The following SH3TC1 variants were observed in gnomAD, a reference collection of about 807,000 sequenced individuals.
SH3TC1 encodes SH3 domain and tetratricopeptide repeat-containing protein 1.
A neutral mutation model predicts 117.3 loss-of-function variants in SH3TC1; 135 were observed. The ratio of observed to expected loss-of-function variants is 1.15; its 90% CI spans 1.00 to 1.33. SH3TC1 has a LOEUF of 1.33. Ranked by LOEUF, SH3TC1 falls within the 40% of genes most tolerant of loss-of-function variation. The pLI is 0.00. For synonymous variants in SH3TC1, 898 were observed against 816.9 expected (o/e 1.10, Z -1.69); for missense variants, 2,092 against 1,794.3 (o/e 1.17, Z -3.00).
intron 2 of SH3TC1, among the ~76,000 whole-genome samples, chr4:8,207,497 G>A (rs1273056952): frequency 6.6e-6 from 1 of 152,174 alleles, no homozygotes; most frequent in Non-Finnish European, 1.5e-5. Flanking sequence ...GGCTGGCCTG[G>A]CTGAAATAAT....
chr4:8,214,551 T>A lies in SH3TC1; in HGVS notation c.452T>A (p.Ile151Asn), dbSNP rs764286313. 6.2e-7 allele frequency: 1 copy of A among 1,613,910 alleles called. No homozygotes were observed. Among genetic ancestry groups the A allele is most frequent in the South Asian group, 1.1e-5 (1 of 91,076 alleles). Residue 151 changes from isoleucine to asparagine, a missense_variant, in exon 5 of 18, where the codon ATC (isoleucine) becomes AAC (asparagine). By Grantham distance (149) the Ile-to-Asn change is moderately radical. Transcript: ENST00000245105. ...IVVTFKTFEE[I>N]WKFSTYHALG... is the part of the protein sequence containing the mutation. ...GTGACGTTTAAGACTTTTGAAGAAATCTGGAAGTTTTCCACCTACCATGCT... is the reference window on the plus strand; with the variant it reads ...GTGACGTTTAAGACTTTTGAAGAAAACTGGAAGTTTTCCACCTACCATGCT...
In SH3TC1 at chr4:8,233,403, G is replaced by A; in HGVS notation, c.3172G>A (p.Gly1058Arg). 1 of 1,613,788 alleles carries A rather than the reference G, an allele frequency of 6.2e-7. No homozygotes were observed. Among genetic ancestry groups the A allele is most frequent in the Non-Finnish European group, 8.5e-7 (1 of 1,179,848 alleles). The part of the protein sequence containing the change: ...SALDYTKRSL[G>R]IFIDLQKKEK... ...ACTGGACTACACCAAACGAAGTCTG[G>A]GGATTTTCATTGACCTCCAGAAGAA... Residue 1058 changes from glycine (G) to arginine (R), a missense_variant, in exon 14 of 18, where the codon GGG (glycine) becomes AGG (arginine). Coordinates refer to ENST00000245105, the MANE Select transcript of SH3TC1 (RefSeq NM_018986.5).
chr4:8,222,217 G>C (rs1330485584), intron 9 of SH3TC1, among the ~76,000 whole-genome samples: 1 of 152,072 alleles, frequency 6.6e-6, no homozygotes, highest in Non-Finnish European at 1.5e-5. Context: ...TCATAAGGGA[G>C]GGGACATTTG....
At chr4:8,222,395 A>G (rs1720018856) in intron 9 of SH3TC1, among the ~76,000 whole-genome samples, 1 of 127,814 alleles carries the variant, frequency 7.8e-6, no homozygotes, top group East Asian at 2.2e-4. Context: ...TTTTTTTCAG[A>G]CAAAGTCTTG....
Position 8,217,087 on chromosome 4 carries a change from CTCT to C in SH3TC1, c.762_764del (p.Ser255del). 1 of 1,612,660 alleles carries C rather than the reference CTCT, an allele frequency of 6.2e-7. No homozygotes were observed. Among genetic ancestry groups the C allele is most frequent in the South Asian group, 1.1e-5 (1 of 91,012 alleles). On this transcript the variant is annotated inframe_deletion, in exon 7 of 18. Transcript: ENST00000245105. ...AGGGAGAGGCGGCCCCGGAAACAGACTCTTCACCGCCGAGCCCCAGCGTGTCCT... is the reference window on the plus strand; with the variant it reads ...AGGGAGAGGCGGCCCCGGAAACAGACTCACCGCCGAGCCCCAGCGTGTCCT...
At chr4:8,240,200 G>A (rs1316328385) in intron 17 of SH3TC1, among the ~76,000 whole-genome samples, 1 of 152,198 alleles carries the variant, frequency 6.6e-6, no homozygotes, top group Non-Finnish European at 1.5e-5. Flanking sequence ...GGGAGTGGAT[G>A]TCTGGGGCAT....
chr4:8,209,400 C>T lies in SH3TC1; in HGVS notation c.173-348C>T, dbSNP rs1000838618. ...AGGGACGTGTGCGGCCTCTTGAAGG[C>T]GAGGAGTGGATTCTCCCCAGAGCCC... On this transcript the variant is annotated intron_variant, in intron 2 of 17. Transcript: ENST00000245105. This position sits in a 1 kb window ranked among gnomAD's most constrained non-coding sequence, Gnocchi z 5.9. 5.3e-5 allele frequency among the ~76,000 whole-genome samples: 8 copies of T among 152,154 alleles called. No homozygotes were observed. The highest frequency in any genetic ancestry group is 8.8e-5 in the Non-Finnish European group (6 of 68,034).
Position 8,227,618 on chromosome 4 carries a change from G to A in SH3TC1, c.1924G>A (p.Glu642Lys). Residue 642 changes from glutamate to lysine, a missense_variant, in exon 12 of 18, where the codon GAG becomes AAG. Transcript: ENST00000245105. ...GACGCCTGACCACATCTGCAGCACC[G>A]AGGCGGAGGGGGAGCTCCTGCAGCT... ...LGTPDHICST[E>K]AEGELLQLAL... 2.0e-6 allele frequency: 3 copies of A among 1,524,714 alleles called. No individual in the cohort carries two copies. The highest frequency in any genetic ancestry group is 2.6e-6 in the Non-Finnish European group (3 of 1,139,382). The allele number at this position is 1,524,714 out of a possible 1,614,324, so 94.4% of individuals were successfully genotyped here. A position where few individuals can be genotyped will look rare whatever the true frequency, so the allele number is the denominator to read the frequency against.
chr4:8,240,938 C>T lies in SH3TC1; in HGVS notation c.3994C>T (p.Pro1332Ser). 2 of 1,610,998 alleles carry T rather than the reference C, an allele frequency of 1.2e-6. No homozygotes were observed. The highest frequency in any genetic ancestry group is 2.2e-5 in the South Asian group (2 of 91,072). Residue 1332 changes from proline (P) to serine (S), a missense_variant, in exon 18 of 18, where the codon CCC becomes TCC. By Grantham distance (74) the Pro-to-Ser change is moderately conservative (BLOSUM62 -1). Transcript: ENST00000245105. ...PLCGWAPWLA[P>S]SHPR Reference sequence around the variant, plus strand: ...CTGCGGGTGGGCCCCCTGGTTGGCCCCCAGCCACCCTCGCTGAGGACAGCA... The same window carrying T: ...CTGCGGGTGGGCCCCCTGGTTGGCCTCCAGCCACCCTCGCTGAGGACAGCA...
At chr4:8,189,854 G>A (rs778007557) in intron 1 of SH3TC1, among the ~76,000 whole-genome samples, 1 of 152,210 alleles carries the variant, frequency 6.6e-6, no homozygotes, top group Admixed American at 6.5e-5. Flanking sequence ...GGCCCTTAGA[G>A]AAGGCATGAC....
At chr4:8,234,020 T>TCATC (rs1260602525) in intron 14 of SH3TC1, among the ~76,000 whole-genome samples, 1 of 125,414 alleles carries the variant, frequency 8.0e-6, no homozygotes, top group South Asian at 2.5e-4. Flanking sequence ...TATCCATCCA[T>TCATC]CATCCATCCA....
chr4:8,209,956 T>G lies in SH3TC1; in HGVS notation c.247+134T>G. On this transcript the variant is annotated intron_variant, in intron 3 of 17. Coordinates refer to ENST00000245105, the MANE Select transcript of SH3TC1 (RefSeq NM_018986.5). This position sits in a 1 kb window ranked among gnomAD's most constrained non-coding sequence, Gnocchi z 5.9. ...TCCCACCTTAAAATCATGATGGGAA[T>G]AGAAAGAAGGGTTTGTTAAATGCGC... is the stretch of plus-strand genomic sequence containing the variant. The G allele has an allele frequency of 3.3e-6, 3 of 921,690 alleles. No individual in the cohort carries two copies. In the South Asian group the frequency reaches 5.0e-5, roughly 15 times the overall value. 57.1% of individuals were successfully genotyped at this position (921,690 alleles called of 1,614,324 possible). A position where few individuals can be genotyped will look rare whatever the true frequency, so the allele number is the denominator to read the frequency against.
rs188983096 is a variant in SH3TC1 at position 8,240,574 on chromosome 4, G to T, written c.3754-124G>T. 9.5e-6 allele frequency: 14 copies of T among 1,480,320 alleles called. No homozygotes were observed. In the South Asian group the frequency reaches 1.8e-4, roughly 19 times the overall value. The allele number at this position is 1,480,320 out of a possible 1,614,324, so 91.7% of individuals were successfully genotyped here. ...AGCTGAGCCCACAGCAGTGTCACAGGCTTCGGGGCTCATGGGGTGAGCCAG... is the reference window on the plus strand; with the variant it reads ...AGCTGAGCCCACAGCAGTGTCACAGTCTTCGGGGCTCATGGGGTGAGCCAG... On this transcript the variant is annotated intron_variant, in intron 17 of 17. Transcript: ENST00000245105.
At chr4:8,189,288 G>A (rs368520592) in intron 1 of SH3TC1, among the ~76,000 whole-genome samples, 5 of 152,278 alleles carry the variant, frequency 3.3e-5, no homozygotes, top group South Asian at 2.1e-4. Flanking sequence ...GGAGGAGCCC[G>A]CAGTGCAGGG....
intron 17 of SH3TC1, among the ~76,000 whole-genome samples, chr4:8,238,617 C>G (rs548223199): frequency 6.6e-6 from 1 of 151,950 alleles, no homozygotes; most frequent in Non-Finnish European, 1.5e-5. Flanking sequence ...GGCCCCCGCC[C>G]GGTGCTGGGG....
chr4:8,219,985 C>A (rs1198605555), intron 9 of SH3TC1, among the ~76,000 whole-genome samples: 2 of 152,176 alleles, frequency 1.3e-5, no homozygotes, highest in African/African-American at 4.8e-5. Flanking sequence ...CACATCACTG[C>A]ACTCTGCCGC....
At chr4:8,218,009 CA>C (rs532818628) in intron 7 of SH3TC1, among the ~76,000 whole-genome samples, 374 of 152,266 alleles carry the variant, frequency 2.5e-3, no homozygotes, top group South Asian at 8.9e-3. Flanking sequence ...TCCAGGCCCA[CA>C]GGGGTGGCGG....
intron 17 of SH3TC1, among the ~76,000 whole-genome samples, chr4:8,238,998 G>A (rs1459835171): frequency 1.3e-5 from 2 of 152,136 alleles, no homozygotes; most frequent in Non-Finnish European, 2.9e-5. Flanking sequence ...TTGTGTAGAG[G>A]TGCCGGATCC....
intron 16 of SH3TC1, 175 bp downstream of exon 16, chr4:8,236,603 C>A: frequency 1.2e-6 from 1 of 810,968 alleles, no homozygotes; most frequent in Non-Finnish European, 1.8e-6. Context: ...CGAGGTCCTT[C>A]ACTCAGTGCA....
Sources: gnomAD v4.1 joint callset for allele counts (sites outside exome capture counted in the v4.1 genomes callset) on GRCh38, gnomAD v4.1.1 for gene constraint, Gnocchi (gnomAD v3.1) non-coding constraint, MANE v1.5 for transcripts, NCBI Gene and HGNC (gene_info 2026-07-23, HGNC 2026-07-21) for gene names.